PROCR: variants seen among roughly 807,000 people sequenced by gnomAD.
PROCR encodes the protein protein C receptor, also known as endothelial protein C receptor.
PROCR carries 22 observed loss-of-function variants against 24.2 expected under a neutral mutation model. The ratio of observed to expected loss-of-function variants is 0.91; its 90% confidence interval spans 0.65 to 1.30. The LOEUF is 1.30. Among genes scored for constraint, PROCR ranks in the 50% most tolerant of loss-of-function variants. The pLI is 0.00. For missense variants in PROCR, 288 were observed against 307.7 expected, an observed-to-expected ratio of 0.94 and a Z score of 0.48; for synonymous variants, 137 against 139.2, an observed-to-expected ratio of 0.98 and a Z score of 0.11.
At chr20:35,188,659 T>C (rs2086147251) in intron 1 of PROCR, among the ~76,000 whole-genome samples, 1 of 152,210 alleles carries the variant, frequency 6.6e-6, no homozygotes, top group Non-Finnish European at 1.5e-5. Context: ...TGCTAAATGG[T>C]CTGATGTGGT....
At chr20:35,176,504 T>C (rs969304235) in intron 3 of PROCR, 58 bp downstream of exon 3, 52 of 1,605,148 alleles carry the variant, frequency 3.2e-5, no homozygotes, top group Middle Eastern at 1.8e-4. Context: ...TCCAGACAAA[T>C]GGATGGACCT....
chr20:35,215,202 C>T lies in PROCR; in HGVS notation c.95-691C>T, dbSNP rs183254037. Among the ~76,000 whole-genome samples, 354 of 152,350 alleles carry T rather than the reference C, an allele frequency of 2.3e-3. 4 individuals are homozygous for T. Among genetic ancestry groups the T allele is most frequent in the Middle Eastern group, 3.4e-3 (1 of 294 alleles). On this transcript the variant is annotated intron_variant, in intron 1 of 1. Coordinates refer to the PROCR transcript ENST00000634509. Reference sequence around the variant, plus strand: ...CTGGGATTACGGGCGTGAGCCACAGCGCCCGGCCTTTTACCCTCCATTTTC... The same window carrying T: ...CTGGGATTACGGGCGTGAGCCACAGTGCCCGGCCTTTTACCCTCCATTTTC...
At chr20:35,176,594 A>C in intron 3 of PROCR, 104 bp from the exon 4 acceptor site, 2 of 1,577,410 alleles carry the variant, frequency 1.3e-6, no homozygotes, top group Non-Finnish European at 1.7e-6. Context: ...GTCAGTTGGT[A>C]AACGGGTCCC....
Position 35,174,894 on chromosome 20 carries a change from C to T in PROCR, c.263C>T (p.Ser88Phe). ...SWARTQSGLQ[S>F]YLLQFHGLVR... Reference sequence around the variant, plus strand: ...GCGCGCACGCAGAGTGGCCTGCAGTCCTACCTGCTCCAGTTCCACGGCCTC... The same window carrying T: ...GCGCGCACGCAGAGTGGCCTGCAGTTCTACCTGCTCCAGTTCCACGGCCTC... Residue 88 changes from serine (S) to phenylalanine (F), a missense_variant, in exon 2 of 4, where the codon TCC becomes TTC. Coordinates refer to ENST00000216968, the MANE Select transcript of PROCR (RefSeq NM_006404.5). 1 of 1,610,544 alleles carries T rather than the reference C, an allele frequency of 6.2e-7. No individual in the cohort carries two copies. The highest frequency in any genetic ancestry group is 8.5e-7 in the Non-Finnish European group (1 of 1,178,522).
chr20:35,174,332 G>C (rs2085982909), intron 1 of PROCR: 3 of 344,868 alleles, frequency 8.7e-6, no homozygotes, highest in South Asian at 7.6e-5. Context: ...TCAGGGCAGT[G>C]GAAGAGGAGA....
intron 1 of PROCR, among the ~76,000 whole-genome samples, chr20:35,205,609 G>A (rs1456113354): frequency 6.7e-6 from 1 of 149,782 alleles, no homozygotes; most frequent in Admixed American, 6.7e-5. Flanking sequence ...AAATTAGCCG[G>A]GTGTGGTGGT....
In PROCR at chr20:35,174,833, A is replaced by G. The variant is rs1400324901; in HGVS notation, c.202A>G (p.Ile68Val). Reference sequence around the variant, plus strand: ...AGGCCCAGACACCAACACCACGATCATTCAGCTGCAGCCCTTGCAGGAGCC... The same window carrying G: ...AGGCCCAGACACCAACACCACGATCGTTCAGCTGCAGCCCTTGCAGGAGCC... ...LEGPDTNTTI[I>V]QLQPLQEPES... The change falls in exon 2 of 4, where the codon ATT (isoleucine) becomes GTT (valine). Residue 68 changes from isoleucine to valine, a missense_variant. Coordinates refer to ENST00000216968, the MANE Select transcript of PROCR (RefSeq NM_006404.5). The G allele has an allele frequency of 1.5e-5, 24 of 1,613,932 alleles. No homozygotes were observed. Among genetic ancestry groups the G allele is most frequent in the Non-Finnish European group, 1.9e-5 (22 of 1,180,004 alleles).
chr20:35,189,357 G>C (rs532894000), intron 1 of PROCR, among the ~76,000 whole-genome samples: 14 of 152,220 alleles, frequency 9.2e-5, no homozygotes, highest in Admixed American at 4.6e-4. Flanking sequence ...CTCCTGCAGC[G>C]TCCCCAGACT....
At chr20:35,214,016 G>A (rs185731127) in intron 1 of PROCR, among the ~76,000 whole-genome samples, 21 of 151,768 alleles carry the variant, frequency 1.4e-4, no homozygotes, top group East Asian at 3.9e-4. Context: ...CAGAGGTTTC[G>A]GTGAGCCGAG....
intron 1 of PROCR, among the ~76,000 whole-genome samples, chr20:35,205,454 A>AAT (rs148597850): frequency 0.41 from 59,390 of 145,962 alleles, 12,743 homozygotes; most frequent in East Asian, 0.62. Context: ...TTAATCCAAA[A>AAT]ATATATATAT....
chr20:35,174,645 C>T, intron 1 of PROCR, 57 bp from the exon 2 acceptor site: 1 of 1,608,908 alleles, frequency 6.2e-7, no homozygotes, highest in Non-Finnish European at 8.5e-7. Flanking sequence ...TTATTATCTT[C>T]CGCTGCCCGC....
chr20:35,205,069 T>C (rs147203918), intron 1 of PROCR, among the ~76,000 whole-genome samples: 232 of 151,944 alleles, frequency 1.5e-3, no homozygotes, highest in Admixed American at 4.3e-3. Context: ...GGTCAAGAGT[T>C]TGAGACCAGC....
chr20:35,184,949 G>A (rs183168409), intron 1 of PROCR, among the ~76,000 whole-genome samples: 8 of 151,324 alleles, frequency 5.3e-5, no homozygotes, highest in Non-Finnish European at 8.8e-5. Flanking sequence ...CTCACAGAGT[G>A]GGAGAAAATC....
intron 1 of PROCR, among the ~76,000 whole-genome samples, chr20:35,183,352 A>T (rs1346504620): frequency 1.3e-5 from 2 of 152,236 alleles, no homozygotes; most frequent in East Asian, 1.9e-4. Context: ...TAGATTACAC[A>T]TGAGATCTCG....
At chr20:35,207,029 A>C (rs944443026) in intron 1 of PROCR, among the ~76,000 whole-genome samples, 4 of 152,226 alleles carry the variant, frequency 2.6e-5, no homozygotes, top group Non-Finnish European at 5.9e-5. Context: ...GACTACTGAT[A>C]CACTCAACAA....
At chr20:35,173,417 T>TTTTTTC (rs1437261832) in intron 1 of PROCR, among the ~76,000 whole-genome samples, 4 of 139,244 alleles carry the variant, frequency 2.9e-5, no homozygotes, top group African/African-American at 1.3e-4. Context: ...CTTTTCTTTC[T>TTTTTTC]TTTTTCTTTT....
In PROCR at chr20:35,177,206, A is replaced by G. The variant is rs1395216563; in HGVS notation, c.*393A>G. On this transcript the variant is annotated 3_prime_UTR_variant, in exon 4 of 4. Coordinates refer to ENST00000216968, the MANE Select transcript of PROCR (RefSeq NM_006404.5). ...ATCCACAATCAAAATACAACATTCAATACTTCCAGGTGTGTCAGACTTGGG... is the reference window on the plus strand; with the variant it reads ...ATCCACAATCAAAATACAACATTCAGTACTTCCAGGTGTGTCAGACTTGGG... 1.8e-6 allele frequency: 2 copies of G among 1,110,856 alleles called. No homozygotes were observed. The highest frequency in any genetic ancestry group is 2.4e-5 in the South Asian group (1 of 41,098). 68.8% of individuals were successfully genotyped at this position (1,110,856 alleles called of 1,614,324 possible). A position where few individuals can be genotyped will look rare whatever the true frequency, so the allele number is the denominator to read the frequency against.
chr20:35,182,467 A>C (rs1178470827), intron 1 of PROCR, among the ~76,000 whole-genome samples: 1 of 152,220 alleles, frequency 6.6e-6, no homozygotes, highest in Non-Finnish European at 1.5e-5. Flanking sequence ...TGTTCACTAT[A>C]TCTCACATCA....
intron 1 of PROCR, among the ~76,000 whole-genome samples, chr20:35,214,795 A>AT (rs1344466060): frequency 6.6e-6 from 1 of 151,802 alleles, no homozygotes; most frequent in Non-Finnish European, 1.5e-5. Context: ...CTCTCAAGTC[A>AT]TTTGGGGCTG....
Sources: gnomAD v4.1 joint callset for allele counts (sites outside exome capture counted in the v4.1 genomes callset) on GRCh38, gnomAD v4.1.1 for gene constraint, MANE v1.5 for transcripts, NCBI Gene and HGNC (gene_info 2026-07-23, HGNC 2026-07-21) for gene names.